KCNJ4: variants seen among roughly 807,000 people sequenced by gnomAD.
KCNJ4 encodes the protein inward rectifier potassium channel 4.
KCNJ4 carries 3 observed loss-of-function variants against 25.6 expected under a neutral mutation model. The observed-to-expected ratio is 0.12, with a 90% CI of 0.05 to 0.30. KCNJ4 has a LOEUF of 0.30. Ranked by LOEUF, KCNJ4 falls within the 10% of genes least tolerant of loss-of-function variation. KCNJ4 has a pLI of 1.00. For missense variants in KCNJ4, 286 were observed against 666.8 expected (o/e 0.43, Z 6.29); for synonymous variants, 257 against 283.9 (o/e 0.91, Z 0.95).
intron 1 of KCNJ4, among the ~76,000 whole-genome samples, chr22:38,438,455 G>C (rs1309949659): frequency 2.6e-5 from 4 of 151,198 alleles, no homozygotes; most frequent in African/African-American, 9.7e-5. Flanking sequence ...TTTGGGAGGC[G>C]GAGGTGGGTG....
chr22:38,437,190 C>T (rs749926757), intron 1 of KCNJ4, among the ~76,000 whole-genome samples: 25 of 152,182 alleles, frequency 1.6e-4, no homozygotes, highest in Non-Finnish European at 2.5e-4. Context: ...GAATGTGGGG[C>T]GGGGGAGCAG....
intron 1 of KCNJ4, among the ~76,000 whole-genome samples, chr22:38,444,629 T>C (rs959015854): frequency 1.3e-5 from 2 of 152,112 alleles, no homozygotes; most frequent in Admixed American, 6.5e-5. Context: ...GGAGAGGGCA[T>C]GGGAGACAGG....
At chr22:38,447,937 G>A (rs547898290) in intron 1 of KCNJ4, among the ~76,000 whole-genome samples, 13 of 151,792 alleles carry the variant, frequency 8.6e-5, no homozygotes, top group South Asian at 4.2e-4. Flanking sequence ...GGTGGCACAC[G>A]CCTGTAGTCC....
At chr22:38,439,349 T>C (rs569163538) in intron 1 of KCNJ4, among the ~76,000 whole-genome samples, 22 of 151,330 alleles carry the variant, frequency 1.5e-4, no homozygotes, top group Non-Finnish European at 3.1e-4. Context: ...AGAGAATCAC[T>C]TAAACCCGGG....
chr22:38,442,407 C>T (rs555877171), intron 1 of KCNJ4, among the ~76,000 whole-genome samples: 6 of 152,000 alleles, frequency 3.9e-5, no homozygotes, highest in Non-Finnish European at 8.8e-5. Context: ...ATTAGCCAGG[C>T]GTGGTGGCGG....
chr22:38,445,445 C>T (rs540886659), intron 1 of KCNJ4, among the ~76,000 whole-genome samples: 5 of 152,246 alleles, frequency 3.3e-5, no homozygotes, highest in Non-Finnish European at 5.9e-5. Context: ...GACCAAAATC[C>T]GTAGTAAAAG....
intron 1 of KCNJ4, among the ~76,000 whole-genome samples, chr22:38,445,610 C>T (rs2089368529): frequency 6.6e-6 from 1 of 152,178 alleles, no homozygotes; most frequent in African/African-American, 2.4e-5. Flanking sequence ...TCCCAACGTG[C>T]TGGGATTACA....
chr22:38,445,960 T>C (rs562614916), intron 1 of KCNJ4, among the ~76,000 whole-genome samples: 5 of 152,286 alleles, frequency 3.3e-5, no homozygotes, highest in Admixed American at 2.6e-4. Context: ...GGGAAAAGTC[T>C]GTTAGACCCC....
At chr22:38,441,628 C>T (rs2089334738) in intron 1 of KCNJ4, among the ~76,000 whole-genome samples, 1 of 152,220 alleles carries the variant, frequency 6.6e-6, no homozygotes, top group Admixed American at 6.5e-5. Flanking sequence ...TCGGCTGGCC[C>T]CAGCAGGTGC....
At chr22:38,428,549 C>T (rs991207128) in intron 1 of KCNJ4, among the ~76,000 whole-genome samples, 1 of 152,034 alleles carries the variant, frequency 6.6e-6, no homozygotes, top group African/African-American at 2.4e-5. Context: ...TAGGGAGCCA[C>T]GGAGGCGCTA....
At chr22:38,429,974 C>G (rs1015255017) in intron 1 of KCNJ4, among the ~76,000 whole-genome samples, 2 of 152,244 alleles carry the variant, frequency 1.3e-5, no homozygotes, top group Non-Finnish European at 2.9e-5. Context: ...ATTTAGAGAT[C>G]AACAGCCTCA....
chr22:38,439,575 G>A (rs900451908), intron 1 of KCNJ4, among the ~76,000 whole-genome samples: 3 of 151,936 alleles, frequency 2.0e-5, no homozygotes, highest in Non-Finnish European at 4.4e-5. Flanking sequence ...AGGAGATTGA[G>A]TCCATCCTGG....
intron 1 of KCNJ4, among the ~76,000 whole-genome samples, chr22:38,432,697 G>A (rs994519185): frequency 1.3e-5 from 2 of 152,154 alleles, no homozygotes; most frequent in African/African-American, 2.4e-5. Context: ...GGCCGGGCGC[G>A]GTGGCTCACG....
At chr22:38,428,446 T>G (rs1386264597) in intron 1 of KCNJ4, among the ~76,000 whole-genome samples, 2 of 152,196 alleles carry the variant, frequency 1.3e-5, no homozygotes, top group African/African-American at 4.8e-5. Context: ...CCCTCAACAC[T>G]GCCCCTCCGG....
chr22:38,445,855 G>C (rs2089370872), intron 1 of KCNJ4, among the ~76,000 whole-genome samples: 1 of 152,150 alleles, frequency 6.6e-6, no homozygotes. Flanking sequence ...ATGGGATCCG[G>C]CGTGTGTCTT....
chr22:38,444,745 G>C (rs533081033), intron 1 of KCNJ4, among the ~76,000 whole-genome samples: 4 of 152,346 alleles, frequency 2.6e-5, no homozygotes, highest in African/African-American at 4.8e-5. Context: ...CCTGCCATGG[G>C]GGGGGCCACG....
intron 1 of KCNJ4, among the ~76,000 whole-genome samples, chr22:38,438,889 G>A (rs1361093341): frequency 6.6e-6 from 1 of 152,170 alleles, no homozygotes; most frequent in African/African-American, 2.4e-5. Flanking sequence ...GTCAGGCTTT[G>A]CCTGGTCTGG....
At chr22:38,444,368 A>C (rs1458577281) in intron 1 of KCNJ4, among the ~76,000 whole-genome samples, 6 of 152,238 alleles carry the variant, frequency 3.9e-5, no homozygotes, top group African/African-American at 1.4e-4. Context: ...CACGGTAGTC[A>C]GGGAGAACTT....
intron 1 of KCNJ4, among the ~76,000 whole-genome samples, chr22:38,440,030 G>A (rs2089321832): frequency 6.6e-6 from 1 of 151,108 alleles, no homozygotes; most frequent in African/African-American, 2.4e-5. Flanking sequence ...GACGGAGCTT[G>A]CAGTGAGCTG....
Sources: allele counts gnomAD v4.1 joint callset (sites outside exome capture counted in the v4.1 genomes callset), GRCh38; gene constraint gnomAD v4.1.1; transcripts MANE v1.5; gene names NCBI Gene and HGNC (gene_info 2026-07-23, HGNC 2026-07-21).